The following TACR3 variants were observed in gnomAD, a reference collection of about 807,000 sequenced individuals.
TACR3 encodes the protein neuromedin-K receptor.
TACR3 carries 34 observed loss-of-function variants against 35.0 expected under a neutral mutation model. The ratio of observed to expected loss-of-function variants is 0.97; its 90% confidence interval spans 0.74 to 1.30. The LOEUF is 1.30. TACR3 is among the 50% of genes most tolerant of loss of function. TACR3 has a pLI of 0.00. For missense variants in TACR3, 558 were observed against 591.7 expected (o/e 0.94, Z 0.59); for synonymous variants, 233 against 221.1 (o/e 1.05, Z -0.48).
intron 3 of TACR3, among the ~76,000 whole-genome samples, chr4:103,650,500 A>C (rs1315810587): frequency 7.4e-6 from 1 of 135,822 alleles, no homozygotes; most frequent in African/African-American, 2.7e-5. Flanking sequence ...TGTATTATTT[A>C]TATATATTTA....
At chr4:103,629,149 C>A (rs1724983730) in intron 3 of TACR3, among the ~76,000 whole-genome samples, 1 of 151,976 alleles carries the variant, frequency 6.6e-6, no homozygotes, top group African/African-American at 2.4e-5. Flanking sequence ...TCAAAATAAT[C>A]AGAGCTATTT....
intron 3 of TACR3, among the ~76,000 whole-genome samples, chr4:103,645,564 G>A (rs1358872967): frequency 6.6e-6 from 1 of 151,906 alleles, no homozygotes; most frequent in African/African-American, 2.4e-5. Context: ...TATCTTTAAT[G>A]TAATTATCTT....
Position 103,704,327 on chromosome 4 carries a change from C to A in TACR3, c.548+14801G>T, listed in dbSNP as rs141542239. On this transcript the variant is annotated intron_variant, in intron 1 of 4. Transcript: ENST00000304883. ...ATGGAAAAGGAGATGGCATCCTACTCCAGTGAAATGGTCATACTCTTTATG... is the reference window on the plus strand; with the variant it reads ...ATGGAAAAGGAGATGGCATCCTACTACAGTGAAATGGTCATACTCTTTATG... Among the ~76,000 whole-genome samples the A allele has an allele frequency of 2.0e-5, 3 of 152,074 alleles. No homozygotes were observed. In the East Asian group the frequency reaches 5.8e-4, roughly 30 times the overall value.
chr4:103,714,377 A>G (rs1040084803), intron 1 of TACR3, among the ~76,000 whole-genome samples: 1 of 152,130 alleles, frequency 6.6e-6, no homozygotes, highest in African/African-American at 2.4e-5. Flanking sequence ...TACGCTCACA[A>G]TTTTATAAGA....
chr4:103,705,671 C>T (rs756008333), intron 1 of TACR3, among the ~76,000 whole-genome samples: 7 of 151,994 alleles, frequency 4.6e-5, no homozygotes, highest in Non-Finnish European at 7.4e-5. Context: ...GTAAAAGTGA[C>T]GTTTGAACTG....
intron 1 of TACR3, among the ~76,000 whole-genome samples, chr4:103,706,399 T>C (rs1722790769): frequency 1.3e-5 from 2 of 152,334 alleles, no homozygotes; most frequent in East Asian, 3.9e-4. Flanking sequence ...AACAAGTCTG[T>C]ATATCCTGAT....
intron 3 of TACR3, among the ~76,000 whole-genome samples, chr4:103,600,568 A>G (rs1445730874): frequency 6.6e-6 from 1 of 152,020 alleles, no homozygotes; most frequent in Admixed American, 6.6e-5. Context: ...TCAATTTTAG[A>G]TCTTTCTTGC....
chr4:103,590,009 G>A lies in TACR3; in HGVS notation c.1086-15C>T. ...CAGCTCGAAATCTGAGGAAAAGCAG[G>A]CCACAGAAAGAAAAAGTTATTTTTT... On this transcript the variant is annotated splice_polypyrimidine_tract_variant and intron_variant, in intron 4 of 4. Coordinates refer to ENST00000304883, the MANE Select transcript of TACR3 (RefSeq NM_001059.3). The A allele has an allele frequency of 6.2e-7, 1 of 1,611,388 alleles. No homozygotes were observed. The highest frequency in any genetic ancestry group is 8.5e-7 in the Non-Finnish European group (1 of 1,178,560).
chr4:103,705,465 T>C (rs1163340004), intron 1 of TACR3, among the ~76,000 whole-genome samples: 2 of 152,162 alleles, frequency 1.3e-5, no homozygotes, highest in African/African-American at 4.8e-5. Flanking sequence ...CAAAGGGGAC[T>C]AAGAACATTC....
At position 103,694,034 on chromosome 4, in the gene TACR3, A is replaced by G. The variant is rs528894729; in HGVS notation, c.548+25094T>C. Among the ~76,000 whole-genome samples the G allele has an allele frequency of 3.3e-5, 5 of 152,256 alleles. No individual in the cohort carries two copies. In the South Asian group the frequency reaches 8.3e-4, roughly 25 times the overall value. ...TTTGTAATTATCTCATATTATAACC[A>G]AGTAGTTTAGGTTCAAAACACATTA... On this transcript the variant is annotated intron_variant, in intron 1 of 4. Coordinates refer to ENST00000304883, the MANE Select transcript of TACR3 (RefSeq NM_001059.3).
At chr4:103,683,086 A>T (rs1031996895) in intron 1 of TACR3, among the ~76,000 whole-genome samples, 1 of 152,190 alleles carries the variant, frequency 6.6e-6, no homozygotes, top group African/African-American at 2.4e-5. Flanking sequence ...CCTAAGAATC[A>T]TCATAAAATT....
intron 1 of TACR3, among the ~76,000 whole-genome samples, chr4:103,674,233 TA>T (rs1465292201): frequency 6.6e-6 from 1 of 151,972 alleles, no homozygotes; most frequent in Non-Finnish European, 1.5e-5. Flanking sequence ...AAACTCAGAT[TA>T]CACAGTTTCT....
At chr4:103,659,113 A>G (rs908941400) in intron 1 of TACR3, among the ~76,000 whole-genome samples, 3 of 152,190 alleles carry the variant, frequency 2.0e-5, no homozygotes, top group African/African-American at 7.2e-5. Flanking sequence ...GCAGTAATGC[A>G]GCACTGGGGA....
chr4:103,634,524 CAG>C (rs1224511973), intron 3 of TACR3, among the ~76,000 whole-genome samples: 1 of 151,206 alleles, frequency 6.6e-6, no homozygotes, highest in Non-Finnish European at 1.5e-5. Context: ...ATCAGAGTAA[CAG>C]AATGCATTGA....
intron 1 of TACR3, among the ~76,000 whole-genome samples, chr4:103,714,095 C>T (rs987829983): frequency 6.6e-6 from 1 of 151,664 alleles, no homozygotes; most frequent in Non-Finnish European, 1.5e-5. Context: ...AGACATTTTT[C>T]TTTTTTTTGG....
intron 3 of TACR3, among the ~76,000 whole-genome samples, chr4:103,626,422 TTTTTTTTGACGAA>T (rs1391099569): frequency 2.0e-5 from 3 of 151,530 alleles, no homozygotes; most frequent in Non-Finnish European, 4.4e-5. Flanking sequence ...TTATTGTTAT[TTTTTTTTGACGAA>T]TTTTTGTGTT....
chr4:103,705,718 T>C (rs983679048), intron 1 of TACR3, among the ~76,000 whole-genome samples: 13 of 152,030 alleles, frequency 8.6e-5, no homozygotes, highest in Non-Finnish European at 1.6e-4. Context: ...TAATGAGGAA[T>C]TGGAAGAAGA....
intron 3 of TACR3, among the ~76,000 whole-genome samples, chr4:103,632,126 A>T (rs1725080351): frequency 6.6e-6 from 1 of 152,182 alleles, no homozygotes; most frequent in Admixed American, 6.5e-5. Context: ...AACTCAATCA[A>T]GATAAAATAG....
At chr4:103,620,733 C>T (rs753912114) in intron 3 of TACR3, among the ~76,000 whole-genome samples, 14 of 151,858 alleles carry the variant, frequency 9.2e-5, no homozygotes, top group African/African-American at 2.7e-4. Context: ...CAATACACAT[C>T]GTGGACTACT....
Sources: gnomAD v4.1 joint callset for allele counts (sites outside exome capture counted in the v4.1 genomes callset) on GRCh38, gnomAD v4.1.1 for gene constraint, MANE v1.5 for transcripts, NCBI Gene and HGNC (gene_info 2026-07-23, HGNC 2026-07-21) for gene names.